The following PZP variants were observed in gnomAD, a reference collection of about 807,000 sequenced individuals.
The protein encoded by PZP is pregnancy zone protein.
In PZP, 150 loss-of-function variants were observed where a neutral mutation model predicts 179.8. The observed-to-expected ratio is 0.83, with a 90% CI of 0.73 to 0.96. The LOEUF (loss-of-function observed/expected upper bound fraction) is 0.96, where lower values mean the gene tolerates loss of function less well. Among genes scored for constraint, PZP ranks in the 40% least tolerant of loss-of-function variants. The probability of loss-of-function intolerance (pLI) is 0.00; values close to 1 mark genes in which losing one functional copy is unlikely to be tolerated. For synonymous variants in PZP, 624 were observed against 652.3 expected (o/e 0.96, Z 0.66); for missense variants, 1,689 against 1,764.0 (o/e 0.96, Z 0.76).
At chr12:9,152,428 A>G in intron 31 of PZP, 118 bp from the exon 32 acceptor site, 1 of 752,806 alleles carries the variant, frequency 1.3e-6, no homozygotes, top group Non-Finnish European at 2.3e-6. Flanking sequence ...AATATTCTAC[A>G]AAGGTCTGTG....
intron 20 of PZP, 79 bp downstream of exon 20, chr12:9,164,054 G>T: frequency 6.8e-7 from 1 of 1,475,884 alleles, no homozygotes; most frequent in Non-Finnish European, 9.2e-7. Context: ...GCAAATAAAA[G>T]AGAGAATATG....
In PZP at chr12:9,164,134, CAG is replaced by C; in HGVS notation, c.2611_2612del (p.Leu871GlyfsTer21). Reference protein sequence around the residue: ...TLSWTVTPKTLGNVNFSVSAE... With the variant: ...TLSWTVTPKTXGNVNFSVSAE... Reference sequence around the variant, plus strand: ...GCCCTTTTGGGTACTGTCACTCACCCAGAGTTTTAGGAGTCACTGTCCAAGAC... The same window carrying C: ...GCCCTTTTGGGTACTGTCACTCACCCAGTTTTAGGAGTCACTGTCCAAGAC... On this transcript the variant is annotated frameshift_variant and splice_region_variant, in exon 20 of 36. Coordinates refer to ENST00000261336, the MANE Select transcript of PZP (RefSeq NM_002864.3). LOFTEE classifies it high-confidence loss of function. The C allele has an allele frequency of 6.2e-7, 1 of 1,610,944 alleles. No individual in the cohort carries two copies. The highest frequency in any genetic ancestry group is 1.7e-5 in the Admixed American group (1 of 59,980).
chr12:9,175,687 C>T (rs1476486000), intron 15 of PZP, among the ~76,000 whole-genome samples: 2 of 152,078 alleles, frequency 1.3e-5, no homozygotes, highest in East Asian at 3.9e-4. Context: ...ATACATACAG[C>T]CAACAAACAT....
chr12:9,141,962 G>A, the PZP span, among the ~76,000 whole-genome samples: 1 of 152,150 alleles, frequency 6.6e-6, no homozygotes, highest in Non-Finnish European at 1.5e-5. Context: ...GCATTCAGGA[G>A]TCCTAATCAC....
rs1944537681 is a variant in PZP, at chr12:9,208,213, G to T, written c.83+46C>A. The T allele has an allele frequency of 4.1e-6, 6 of 1,461,966 alleles. No individual in the cohort carries two copies. In the African/African-American group the frequency reaches 7.0e-5, roughly 17 times the overall value. The allele number at this position is 1,461,966 out of a possible 1,614,324, so 90.6% of individuals were successfully genotyped here. The stretch of plus-strand genomic sequence containing the variant: ...GAAGGCAAAGCGAAGACACAAGGGA[G>T]AGACTGAAACGCACTCTGGAGGAAG... On this transcript the variant is annotated intron_variant, in intron 1 of 35. Coordinates refer to ENST00000261336, the MANE Select transcript of PZP (RefSeq NM_002864.3).
At chr12:9,197,258 T>C in intron 7 of PZP, 135 bp from the exon 8 acceptor site, 1 of 586,102 alleles carries the variant, frequency 1.7e-6, no homozygotes, top group Admixed American at 3.4e-5. Context: ...TAGAAAGCTG[T>C]CTGGAAAATG....
Position 9,160,014 on chromosome 12 carries a change from G to C in PZP, c.3061C>G (p.Gln1021Glu), listed in dbSNP as rs904371210. 6.2e-7 allele frequency: 1 copy of C among 1,613,592 alleles called. No individual in the cohort carries two copies. The highest frequency in any genetic ancestry group is 1.3e-5 in the African/African-American group (1 of 74,896). Reference sequence around the variant, plus strand: ...CCATCTTGGTGTTTGTAGTTCAGCTGTCTCTGGTAACCTGAAATGGAAGGC... The same window carrying C: ...CCATCTTGGTGTTTGTAGTTCAGCTCTCTCTGGTAACCTGAAATGGAAGGC... Reference protein sequence around the residue: ...VGYLITGYQRQLNYKHQDGSY... With the variant: ...VGYLITGYQRELNYKHQDGSY... The change falls in exon 25 of 36, where the codon CAG (glutamine) becomes GAG (glutamate). Residue 1021 changes from glutamine (Q) to glutamate (E), a missense_variant. Around this residue, in one of 3 missense-constraint regions of PZP, gnomAD observed 746 missense variants for 749.2 expected, o/e 1.00. Coordinates refer to ENST00000261336, the MANE Select transcript of PZP (RefSeq NM_002864.3).
Position 9,165,151 on chromosome 12 carries a change from G to C in PZP, c.2475C>G (p.Pro825=). The part of the protein sequence containing the change: ...TLKATVLNYL[P]KCIRVSVQLK... ...TCATTTTCCTTACCCGGATGCATTTGGGAAGGTAGTTTAGGACCGTGGCCT... is the reference window on the plus strand; with the variant it reads ...TCATTTTCCTTACCCGGATGCATTTCGGAAGGTAGTTTAGGACCGTGGCCT... Residue 825 remains proline (P), a synonymous_variant, in exon 19 of 36, where the codon CCC becomes CCG. Transcript: ENST00000261336. The C allele has an allele frequency of 6.2e-7, 1 of 1,613,856 alleles. No individual in the cohort carries two copies. The highest frequency in any genetic ancestry group is 8.5e-7 in the Non-Finnish European group (1 of 1,179,778).
rs760292474 is a variant in PZP, at chr12:9,181,966, A to C, written c.1689+9T>G. ...TTGTGTTCTTTTAATTTTATGTTAA[A>C]TCGCTCACCTTGTTGGCTAGACAGT... On this transcript the variant is annotated intron_variant, in intron 14 of 35. Coordinates refer to ENST00000261336, the MANE Select transcript of PZP (RefSeq NM_002864.3). 1 of 1,612,004 alleles carries C rather than the reference A, an allele frequency of 6.2e-7. No individual in the cohort carries two copies. The highest frequency in any genetic ancestry group is 1.3e-5 in the African/African-American group (1 of 74,866).
intron 1 of PZP, 22 bp from the exon 2 acceptor site, chr12:9,203,973 A>G: frequency 6.3e-7 from 1 of 1,581,632 alleles, no homozygotes; most frequent in Non-Finnish European, 8.6e-7. Context: ...AGAAGTCTAA[A>G]TTAGAGAAAA....
At chr12:9,143,192 GA>G in the PZP span, among the ~76,000 whole-genome samples, 1 of 152,212 alleles carries the variant, frequency 6.6e-6, no homozygotes, top group Non-Finnish European at 1.5e-5. Flanking sequence ...CTGTGATAAT[GA>G]GAGGGATTTT....
At chr12:9,205,423 G>A (rs1015196055) in intron 1 of PZP, among the ~76,000 whole-genome samples, 2 of 152,142 alleles carry the variant, frequency 1.3e-5, no homozygotes, top group African/African-American at 4.8e-5. Context: ...AGCTGTCTCT[G>A]TATTAAGCCA....
At chr12:9,200,547 T>C in intron 6 of PZP, 99 bp from the exon 7 acceptor site, 5 of 921,040 alleles carry the variant, frequency 5.4e-6, no homozygotes, top group Non-Finnish European at 6.7e-6. Context: ...AATAACACTC[T>C]GAATGTTAGA....
In PZP at chr12:9,157,185, A is replaced by G. The variant is rs146476254; in HGVS notation, c.3540T>C (p.Ala1180=). 6.2e-6 allele frequency: 10 copies of G among 1,613,170 alleles called. No individual in the cohort carries two copies. The highest frequency in any genetic ancestry group is 6.8e-6 in the Non-Finnish European group (8 of 1,179,426). ...TATAAGTGCTCTCACCTTCTTTCAC[A>G]GCTTCCTTATCAAGTGAGTTCAGTA... ...REILNSLDKE[A]VKEDNLVHWE... Residue 1180 remains alanine (A), a synonymous_variant, in exon 28 of 36, where the codon GCT becomes GCC. Coordinates refer to ENST00000261336, the MANE Select transcript of PZP (RefSeq NM_002864.3).
intron 12 of PZP, 45 bp downstream of exon 12, chr12:9,192,467 G>A (rs1484129724): frequency 6.5e-7 from 1 of 1,549,488 alleles, no homozygotes; most frequent in Admixed American, 1.7e-5. Flanking sequence ...GACCACTTTT[G>A]TCCTACTGAT....
chr12:9,197,858 TATATATA>T (rs1329171718), intron 7 of PZP, among the ~76,000 whole-genome samples: 3 of 118,440 alleles, frequency 2.5e-5, no homozygotes, highest in South Asian at 4.5e-4. Context: ...TAATATTAAT[TATATATA>T]ATATATAATA....
chr12:9,203,855 A>C lies in PZP; in HGVS notation c.180T>G (p.Ser60Arg), dbSNP rs2121239450. ...LSHLNETVTV[S>R]ASLESGRENR... ...TTTCCCTGCCAGACTCCAAGGAAGCACTTACAGTCACTGTCTCATTCAGGT... is the reference window on the plus strand; with the variant it reads ...TTTCCCTGCCAGACTCCAAGGAAGCCCTTACAGTCACTGTCTCATTCAGGT... Residue 60 changes from serine (S) to arginine (R), a missense_variant, in exon 2 of 36, where the codon AGT (serine) becomes AGG (arginine). Ser to Arg is a moderately radical substitution (Grantham distance 110). Transcript: ENST00000261336. The C allele has an allele frequency of 1.2e-6, 2 of 1,614,122 alleles. No homozygotes were observed. The highest frequency in any genetic ancestry group is 8.5e-7 in the Non-Finnish European group (1 of 1,180,018).
chr12:9,203,716 G>A (rs1370063380), intron 2 of PZP, 52 bp downstream of exon 2: 3 of 1,594,310 alleles, frequency 1.9e-6, no homozygotes, highest in Non-Finnish European at 2.6e-6. Flanking sequence ...GACCTATAGA[G>A]CTCAATAAAA....
chr12:9,200,285 A>G, intron 7 of PZP, 79 bp downstream of exon 7: 1 of 958,758 alleles, frequency 1.0e-6, no homozygotes, highest in Non-Finnish European at 1.5e-6. Context: ...AGGCAAAGTA[A>G]ATTTATAATT....
Sources: allele counts gnomAD v4.1 joint callset (sites outside exome capture counted in the v4.1 genomes callset), GRCh38; gene constraint gnomAD v4.1.1; regional missense constraint gnomAD v4.1.1; transcripts MANE v1.5; gene names NCBI Gene and HGNC (gene_info 2026-07-23, HGNC 2026-07-21).